Variants in TNFRSF10D observed in about 807,000 individuals in gnomAD.
The protein encoded by TNFRSF10D is TNF receptor superfamily member 10d, also known as tumor necrosis factor receptor superfamily member 10D.
Under a neutral mutation model 42.1 loss-of-function variants are expected in TNFRSF10D, and 28 were observed. The observed-to-expected ratio is 0.66, with a 90% confidence interval of 0.49 to 0.91. The LOEUF (loss-of-function observed/expected upper bound fraction) is 0.91, where lower values mean the gene tolerates loss of function less well. Among genes scored for constraint, TNFRSF10D ranks in the 40% least tolerant of loss-of-function variants. The pLI is 0.00. For missense variants in TNFRSF10D, 503 were observed against 486.1 expected (o/e 1.03, Z -0.33); for synonymous variants, 186 against 189.4 (o/e 0.98, Z 0.15).
In TNFRSF10D at chr8:23,150,915, G is replaced by A. The variant is rs141195020; in HGVS notation, c.257-2364C>T. ...AGGGAAGAAAGCCAACAGTACCAACGGTTACTGTGAAGCAAAACAATATAT... is the reference window on the plus strand; with the variant it reads ...AGGGAAGAAAGCCAACAGTACCAACAGTTACTGTGAAGCAAAACAATATAT... On this transcript the variant is annotated intron_variant, in intron 2 of 8. Transcript: ENST00000312584. Among the ~76,000 whole-genome samples, 327 of 152,180 alleles carry A rather than the reference G, an allele frequency of 2.1e-3. 3 individuals carry two copies. Among genetic ancestry groups the A allele is most frequent in the Admixed American group, 3.7e-3 (56 of 15,280 alleles).
At chr8:23,146,217 A>G (rs946679779) in intron 4 of TNFRSF10D, among the ~76,000 whole-genome samples, 2 of 152,118 alleles carry the variant, frequency 1.3e-5, no homozygotes, top group African/African-American at 2.4e-5. Context: ...CGTTAGGAGG[A>G]GCCGCACTCC....
intron 1 of TNFRSF10D, among the ~76,000 whole-genome samples, chr8:23,163,462 G>T (rs1436820886): frequency 6.6e-6 from 1 of 152,102 alleles, no homozygotes; most frequent in Admixed American, 6.5e-5. Context: ...CCGCTCTGTG[G>T]CTTCCTGAGG....
chr8:23,163,690 C>G (rs1800408380), intron 1 of TNFRSF10D, 96 bp downstream of exon 1: 2 of 1,518,560 alleles, frequency 1.3e-6, no homozygotes, highest in East Asian at 2.5e-5. Context: ...CGCAGGCGAC[C>G]CGGGCCAAGC....
At chr8:23,138,996 A>G (rs1426302188) in intron 7 of TNFRSF10D, among the ~76,000 whole-genome samples, 1 of 152,238 alleles carries the variant, frequency 6.6e-6, no homozygotes. Context: ...GGCCTAGGCA[A>G]CAAGATGGAA....
chr8:23,148,514 C>T lies in TNFRSF10D; in HGVS notation c.294G>A (p.Pro98=), dbSNP rs764128349. ...HRSEYTGACN[P]CTEGVDYTIA... is the part of the protein sequence containing the mutation. ...TGGTGTAATCCACACCCTCTGTGCACGGGTTACAGGCTCCAGTATATTCTG... is the reference window on the plus strand; with the variant it reads ...TGGTGTAATCCACACCCTCTGTGCATGGGTTACAGGCTCCAGTATATTCTG... Residue 98 remains proline (P), a synonymous_variant, in exon 3 of 9, where the codon CCG becomes CCA. Transcript: ENST00000312584. The T allele has an allele frequency of 4.2e-5, 67 of 1,610,152 alleles. No homozygotes were observed. The highest frequency in any genetic ancestry group is 3.1e-4 in the African/African-American group (23 of 74,726).
chr8:23,154,043 A>G (rs1262036358), intron 2 of TNFRSF10D, among the ~76,000 whole-genome samples: 1 of 152,250 alleles, frequency 6.6e-6, no homozygotes, highest in Non-Finnish European at 1.5e-5. Context: ...CAGCCTCAAC[A>G]AAGAAGGAAA....
At chr8:23,156,369 G>A (rs190831106) in intron 1 of TNFRSF10D, among the ~76,000 whole-genome samples, 587 of 151,170 alleles carry the variant, frequency 3.9e-3, no homozygotes, top group African/African-American at 0.012. Context: ...CTGGCTCTCA[G>A]CAAGACAAAA....
intron 3 of TNFRSF10D, among the ~76,000 whole-genome samples, chr8:23,147,739 C>T (rs1397920793): frequency 6.6e-6 from 1 of 151,954 alleles, no homozygotes. Flanking sequence ...CCAGCCTGGC[C>T]AACATGGAGA....
At chr8:23,158,986 C>A (rs989034224) in intron 1 of TNFRSF10D, among the ~76,000 whole-genome samples, 2 of 152,052 alleles carry the variant, frequency 1.3e-5, no homozygotes, top group Non-Finnish European at 2.9e-5. Flanking sequence ...ATGTCCCCAG[C>A]AATGCTTCTT....
chr8:23,145,149 A>G lies in TNFRSF10D; in HGVS notation c.737-60T>C. On this transcript the variant is annotated intron_variant, in intron 5 of 8. Coordinates refer to ENST00000312584, the MANE Select transcript of TNFRSF10D (RefSeq NM_003840.5). ...GGGGCCCATGCAGCACCTCCCTCCCAGAGGACAGTGGGGCGCAGGGCTGGC... is the reference window on the plus strand; with the variant it reads ...GGGGCCCATGCAGCACCTCCCTCCCGGAGGACAGTGGGGCGCAGGGCTGGC... The G allele has an allele frequency of 4.3e-6, 7 of 1,609,820 alleles. No homozygotes were observed. In the South Asian group the frequency reaches 5.5e-5, roughly 13 times the overall value.
chr8:23,146,944 C>T lies in TNFRSF10D; in HGVS notation c.482+17G>A, dbSNP rs1276083060. The stretch of plus-strand genomic sequence containing the variant: ...AGGTTCCTGAAAGCTGTTGGGAGCC[C>T]CTGGCTGCTGTCTTACCCTGTTCTA... On this transcript the variant is annotated intron_variant, in intron 4 of 8. Transcript: ENST00000312584. The T allele has an allele frequency of 6.8e-6, 11 of 1,606,444 alleles. No individual in the cohort carries two copies. The highest frequency in any genetic ancestry group is 1.1e-5 in the South Asian group (1 of 90,926).
intron 2 of TNFRSF10D, among the ~76,000 whole-genome samples, chr8:23,149,203 A>G (rs1375655808): frequency 1.1e-3 from 169 of 148,010 alleles, no homozygotes; most frequent in Admixed American, 2.1e-3. Flanking sequence ...AAAAAAAAAA[A>G]AAAAGAAAAG....
At chr8:23,154,469 G>C (rs185799171) in intron 2 of TNFRSF10D, among the ~76,000 whole-genome samples, 1 of 152,180 alleles carries the variant, frequency 6.6e-6, no homozygotes, top group Non-Finnish European at 1.5e-5. Flanking sequence ...TAGGTTACTT[G>C]TAATACCTAA....
chr8:23,148,649 A>T (rs898279733), intron 2 of TNFRSF10D, 98 bp from the exon 3 acceptor site: 1 of 829,602 alleles, frequency 1.2e-6, no homozygotes, highest in African/African-American at 1.7e-5. Context: ...AGTGGAATCC[A>T]GACAGAGAAA....
rs747834404 is a variant in TNFRSF10D at position 23,148,455 on chromosome 8, C to T, written c.353G>A (p.Cys118Tyr). 2 of 1,609,076 alleles carry T rather than the reference C, an allele frequency of 1.2e-6. No homozygotes were observed. Among genetic ancestry groups the T allele is most frequent in the Non-Finnish European group, 1.7e-6 (2 of 1,176,666 alleles). ...TTCTGTACCTGATTTACAAACTGTA[C>T]ATAGCAGGCAAGAAGGCAAATTGTT... ...ASNNLPSCLLCTVCKSGQTNK... is the reference protein window; with the variant it reads ...ASNNLPSCLLYTVCKSGQTNK... The change falls in exon 3 of 9, where the codon TGT becomes TAT. Residue 118 changes from cysteine (C) to tyrosine (Y), a missense_variant. By Grantham distance (194) the Cys-to-Tyr change is radical. Coordinates refer to ENST00000312584, the MANE Select transcript of TNFRSF10D (RefSeq NM_003840.5).
intron 5 of TNFRSF10D, 112 bp downstream of exon 5, chr8:23,145,556 G>A (rs1800106474): frequency 6.6e-7 from 1 of 1,518,486 alleles, no homozygotes; most frequent in African/African-American, 1.4e-5. Context: ...GACCAAGCCA[G>A]GCTGGAGACG....
intron 7 of TNFRSF10D, among the ~76,000 whole-genome samples, chr8:23,139,849 T>C (rs1240135008): frequency 6.6e-6 from 1 of 152,116 alleles, no homozygotes. Context: ...AAAATCAATG[T>C]ATAAAAATCA....
At chr8:23,154,717 T>C (rs1255090852) in intron 2 of TNFRSF10D, among the ~76,000 whole-genome samples, 157 bp downstream of exon 2, 1 of 152,240 alleles carries the variant, frequency 6.6e-6, no homozygotes, top group Non-Finnish European at 1.5e-5. Context: ...GACTTTTAAG[T>C]GTTCTTACAA....
At chr8:23,146,035 G>C in intron 4 of TNFRSF10D, 114 bp from the exon 5 acceptor site, 1 of 1,436,076 alleles carries the variant, frequency 7.0e-7, no homozygotes, top group Non-Finnish European at 9.7e-7. Flanking sequence ...AGGAGGACAG[G>C]CTCCTCGTGT....
Sources: allele counts gnomAD v4.1 joint callset (sites outside exome capture counted in the v4.1 genomes callset), GRCh38; gene constraint gnomAD v4.1.1; transcripts MANE v1.5; gene names NCBI Gene and HGNC (gene_info 2026-07-23, HGNC 2026-07-21).